The following NUGGC variants were observed in gnomAD, a reference collection of about 807,000 sequenced individuals.
NUGGC encodes nuclear GTPase, germinal center associated, also known as nuclear GTPase SLIP-GC.
In NUGGC, 58 loss-of-function variants were observed where a neutral mutation model predicts 92.6. That is an observed-to-expected ratio of 0.63 (90% CI 0.51 to 0.78). The LOEUF (loss-of-function observed/expected upper bound fraction) is 0.78. NUGGC is among the 30% of genes least tolerant of loss of function. NUGGC has a pLI of 0.00. For synonymous variants in NUGGC, 376 were observed against 366.4 expected, an observed-to-expected ratio of 1.03 and a Z score of -0.30; for missense variants, 925 against 964.6, an observed-to-expected ratio of 0.96 and a Z score of 0.54.
intron 17 of NUGGC, 145 bp from the exon 18 acceptor site, chr8:28,027,197 C>T (rs1039245702): frequency 8.9e-5 from 58 of 654,436 alleles, no homozygotes; most frequent in South Asian, 3.8e-4. Context: ...AGTTGCAAAA[C>T]GGTGAAACAT....
At chr8:28,071,797 T>G (rs1165542202) in intron 2 of NUGGC, among the ~76,000 whole-genome samples, 2 of 152,158 alleles carry the variant, frequency 1.3e-5, no homozygotes, top group African/African-American at 2.4e-5. Context: ...CCAGGGCTCC[T>G]GGGGCTGGCC....
chr8:28,025,117 T>C (rs1027229796), intron 18 of NUGGC, among the ~76,000 whole-genome samples: 2 of 152,210 alleles, frequency 1.3e-5, no homozygotes, highest in African/African-American at 4.8e-5. Flanking sequence ...TTGCCTGTAT[T>C]GGCCACCACT....
Position 28,070,436 on chromosome 8 carries a change from T to A in NUGGC, c.44-80A>T. On this transcript the variant is annotated intron_variant, in intron 2 of 18. Transcript: ENST00000413272. ...GCCTCACCTCTATCAGCATAGAAAC[T>A]CAAAGGGTCTAACAGACTGGCTGGG... 3 of 736,132 alleles carry A rather than the reference T, an allele frequency of 4.1e-6. No individual in the cohort carries two copies. The South Asian group carries it at 5.0e-5, about 12-fold the overall frequency. 45.6% of individuals were successfully genotyped at this position (736,132 alleles called of 1,614,324 possible). A position where few individuals can be genotyped will look rare whatever the true frequency, so the allele number is the denominator to read the frequency against.
Position 28,070,969 on chromosome 8 carries a change from G to A in NUGGC, c.44-613C>T, listed in dbSNP as rs80326536. 5.3e-4 allele frequency among the ~76,000 whole-genome samples: 80 copies of A among 151,564 alleles called. 2 individuals carry two copies. In the East Asian group the frequency reaches 0.013, roughly 25 times the overall value. Reference sequence around the variant, plus strand: ...ATTTTGCCACTGCACTCCAACCTGGGTCATACAAGACCCTGTCTCAAAAAA... The same window carrying A: ...ATTTTGCCACTGCACTCCAACCTGGATCATACAAGACCCTGTCTCAAAAAA... On this transcript the variant is annotated intron_variant, in intron 2 of 18. Coordinates refer to ENST00000413272, the MANE Select transcript of NUGGC (RefSeq NM_001010906.2).
At chr8:28,053,486 G>GA (rs77542322) in intron 10 of NUGGC, among the ~76,000 whole-genome samples, 29 of 147,494 alleles carry the variant, frequency 2.0e-4, no homozygotes, top group East Asian at 5.9e-4. Context: ...ACCCATCTGG[G>GA]AAAAAAAAAA....
chr8:28,040,607 C>T (rs1809668579), intron 13 of NUGGC, among the ~76,000 whole-genome samples: 1 of 151,954 alleles, frequency 6.6e-6, no homozygotes, highest in African/African-American at 2.4e-5. Flanking sequence ...TTCACTCTCT[C>T]CTAACCTCCT....
chr8:28,050,113 C>T (rs1471606856), intron 10 of NUGGC, among the ~76,000 whole-genome samples: 1 of 150,754 alleles, frequency 6.6e-6, no homozygotes, highest in Non-Finnish European at 1.5e-5. Context: ...AGGCCGGGCA[C>T]GGTGGCTCAT....
intron 18 of NUGGC, among the ~76,000 whole-genome samples, chr8:28,024,069 T>C (rs887099056): frequency 2.6e-5 from 4 of 152,046 alleles, no homozygotes; most frequent in African/African-American, 9.7e-5. Context: ...TGTCACCAAG[T>C]CTGCAGTACA....
At chr8:28,044,821 G>A (rs1809787970) in intron 12 of NUGGC, among the ~76,000 whole-genome samples, 1 of 152,152 alleles carries the variant, frequency 6.6e-6, no homozygotes, top group Admixed American at 6.5e-5. Context: ...AATTGTCTTT[G>A]CATATTCTAT....
At chr8:28,043,894 A>C (rs1459240353) in intron 12 of NUGGC, among the ~76,000 whole-genome samples, 1 of 152,226 alleles carries the variant, frequency 6.6e-6, no homozygotes, top group Non-Finnish European at 1.5e-5. Context: ...ACAAAGTCAA[A>C]TAAGAAAATC....
At chr8:28,045,719 A>G (rs1393689169) in intron 11 of NUGGC, 59 bp from the exon 12 acceptor site, 51 of 1,563,524 alleles carry the variant, frequency 3.3e-5, no homozygotes, top group Non-Finnish European at 4.4e-5. Context: ...GGTCAATAGA[A>G]TTCATAAAAG....
At chr8:28,070,231 C>T (rs1451424581) in intron 3 of NUGGC, 21 bp downstream of exon 3, 1 of 1,527,828 alleles carries the variant, frequency 6.5e-7, no homozygotes, top group Admixed American at 2.0e-5. Context: ...CATGTTAAAA[C>T]AACAGTTCCA....
intron 2 of NUGGC, among the ~76,000 whole-genome samples, chr8:28,072,548 A>T (rs1276305947): frequency 1.3e-5 from 2 of 152,198 alleles, no homozygotes; most frequent in Non-Finnish European, 2.9e-5. Context: ...CCAAGTCCAC[A>T]CATCCAGGGC....
chr8:28,063,406 G>A (rs906871317), intron 7 of NUGGC, among the ~76,000 whole-genome samples: 3 of 152,144 alleles, frequency 2.0e-5, no homozygotes, highest in South Asian at 2.1e-4. Flanking sequence ...TCGCTCTCTC[G>A]GCCGGGCCTG....
chr8:28,053,098 A>C (rs1423673486), intron 10 of NUGGC, among the ~76,000 whole-genome samples: 1 of 152,170 alleles, frequency 6.6e-6, no homozygotes, highest in Non-Finnish European at 1.5e-5. Flanking sequence ...CCAAAAAAAA[A>C]AGTGATGGAA....
At chr8:28,032,888 G>A (rs1015347916) in intron 14 of NUGGC, among the ~76,000 whole-genome samples, 1 of 152,074 alleles carries the variant, frequency 6.6e-6, no homozygotes, top group African/African-American at 2.4e-5. Context: ...GGCTGGGTGT[G>A]GTGGCTCACA....
At chr8:28,058,480 G>T (rs551672288) in intron 8 of NUGGC, among the ~76,000 whole-genome samples, 1 of 152,122 alleles carries the variant, frequency 6.6e-6, no homozygotes, top group South Asian at 2.1e-4. Context: ...GCCAGCCAGC[G>T]TTTTGTCAGC....
chr8:28,048,736 A>G (rs2130154675), intron 10 of NUGGC, among the ~76,000 whole-genome samples: 1 of 152,026 alleles, frequency 6.6e-6, no homozygotes, highest in East Asian at 1.9e-4. Context: ...GGTGGTGCGC[A>G]CTTGTAGTCG....
At chr8:28,065,605 C>T (rs1472427529) in intron 6 of NUGGC, among the ~76,000 whole-genome samples, 1 of 152,080 alleles carries the variant, frequency 6.6e-6, no homozygotes, top group African/African-American at 2.4e-5. Flanking sequence ...AAACATGTCT[C>T]GGGACAATGA....
Sources: allele counts gnomAD v4.1 joint callset (sites outside exome capture counted in the v4.1 genomes callset), GRCh38; gene constraint gnomAD v4.1.1; transcripts MANE v1.5; gene names NCBI Gene and HGNC (gene_info 2026-07-23, HGNC 2026-07-21).